RAB40A: variants seen among roughly 807,000 people sequenced by gnomAD.
RAB40A encodes the protein RAB40A, member RAS oncogene family, also known as ras-related protein Rab-40A.
For synonymous variants in RAB40A, 65 were observed against 99.9 expected (o/e 0.65, Z 2.08); for missense variants, 145 against 230.2 (o/e 0.63, Z 2.40).
chrX:103,499,940 T>G lies in RAB40A; in HGVS notation c.817A>C (p.Ser273Arg). The G allele has an allele frequency of 5.0e-6, 6 of 1,211,495 alleles. No individual in the cohort carries two copies. The highest frequency in any genetic ancestry group is 6.7e-6 in the Non-Finnish European group (6 of 895,115). Residue 273 changes from serine to arginine, a missense_variant, in exon 3 of 3, where the codon AGC becomes CGC. Coordinates refer to ENST00000304236, the MANE Select transcript of RAB40A (RefSeq NM_080879.3). ...TGCCTTCCTTAAGAAATTTTGCAGC[T>G]GTTTCTGGTGCAGTTTTTGGGTGGG... ...QSPPKNCTRN[S>R]CKIS
intron 2 of RAB40A, among the ~76,000 whole-genome samples, chrX:103,506,092 C>A (rs762019194): frequency 8.9e-6 from 1 of 111,861 alleles, no homozygotes; most frequent in South Asian, 3.7e-4. Context: ...ATTCTACATT[C>A]TCTTAATTAC....
chrX:103,502,024 A>G (rs377688225), intron 2 of RAB40A: 5 of 123,394 alleles, frequency 4.1e-5, no homozygotes, highest in East Asian at 2.8e-4. Flanking sequence ...AGTTTAAATT[A>G]TTGAAATCAA....
downstream of RAB40A, among the ~76,000 whole-genome samples, chrX:103,495,830 G>A (rs971210457): frequency 8.9e-6 from 1 of 111,951 alleles, no homozygotes; most frequent in Non-Finnish European, 1.9e-5. Context: ...TATGTACCTA[G>A]GGGTGGAATT....
downstream of RAB40A, among the ~76,000 whole-genome samples, chrX:103,498,238 C>T (rs533904089): frequency 1.8e-5 from 2 of 111,848 alleles, no homozygotes; most frequent in African/African-American, 6.5e-5. Flanking sequence ...TCAGCATGGC[C>T]CCTGTCCCTC....
At chrX:103,504,770 C>G (rs1266307530) in intron 2 of RAB40A, among the ~76,000 whole-genome samples, 1 of 112,265 alleles carries the variant, frequency 8.9e-6, no homozygotes, top group African/African-American at 3.2e-5. Context: ...GATCCACCCG[C>G]CTCAGCCTCC....
Position 103,503,162 on chromosome X carries a change from G to A in RAB40A, c.-70-2336C>T, listed in dbSNP as rs752129299. ...CCAAATTCACTTCCCAAGCTAGAAA[G>A]AAAAAAATTGATTGATAGATGTAAA... On this transcript the variant is annotated intron_variant, in intron 2 of 2. Coordinates refer to ENST00000304236, the MANE Select transcript of RAB40A (RefSeq NM_080879.3). The A allele has an allele frequency of 2.0e-5, 15 of 751,722 alleles. No homozygotes were observed. In the South Asian group the frequency reaches 7.5e-4, roughly 38 times the overall value. 62.0% of individuals were successfully genotyped at this position (751,722 alleles called of 1,213,427 possible). A position where few individuals can be genotyped will look rare whatever the true frequency, so the allele number is the denominator to read the frequency against.
chrX:103,512,792 TG>T (rs1397519708), intron 2 of RAB40A, among the ~76,000 whole-genome samples: 1 of 111,975 alleles, frequency 8.9e-6, no homozygotes, highest in African/African-American at 3.2e-5. Context: ...ATATAACTTC[TG>T]AAAAAAAATT....
At chrX:103,510,119 A>G (rs889001731) in intron 2 of RAB40A, among the ~76,000 whole-genome samples, 4 of 112,145 alleles carry the variant, frequency 3.6e-5, no homozygotes, top group African/African-American at 1.3e-4. Flanking sequence ...ATTCCTTTTA[A>G]TGAACTCCTA....
At chrX:103,502,259 C>A (rs2073232482) in intron 2 of RAB40A, 1 of 121,527 alleles carries the variant, frequency 8.2e-6, no homozygotes, top group Non-Finnish European at 1.9e-5. Context: ...AAAAAAAAAA[C>A]CTTTAGATTA....
chrX:103,500,801 T>C lies in RAB40A; in HGVS notation c.-45A>G. On this transcript the variant is annotated 5_prime_UTR_variant, in exon 3 of 3. Transcript: ENST00000304236. The stretch of plus-strand genomic sequence containing the variant: ...CGCCTGAGCCAGGCCCGCGGGGTTG[T>C]GCGCAGAGGTGGTGCCGGGCCTGTT... 8.5e-7 allele frequency: 1 copy of C among 1,177,676 alleles called. No homozygotes were observed.
chrX:103,505,927 C>T (rs764137093), intron 2 of RAB40A, among the ~76,000 whole-genome samples: 4 of 111,637 alleles, frequency 3.6e-5, no homozygotes, highest in East Asian at 2.8e-4. Flanking sequence ...AATTCTTGTA[C>T]GTATCTAATT....
chrX:103,517,662 A>G (rs1410797861), intron 1 of RAB40A, 137 bp from the exon 2 acceptor site: 3 of 112,312 alleles, frequency 2.7e-5, no homozygotes, highest in Non-Finnish European at 5.6e-5. Flanking sequence ...CAATTATTTT[A>G]TCTTGGAACC....
At chrX:103,494,493 G>A (rs1330800093), downstream of RAB40A, among the ~76,000 whole-genome samples, 2 of 112,015 alleles carry the variant, frequency 1.8e-5, no homozygotes, top group African/African-American at 3.2e-5. Context: ...TATTACTCTA[G>A]AAATCTTTGC....
chrX:103,495,143 C>T (rs918473860), downstream of RAB40A, among the ~76,000 whole-genome samples: 1 of 111,328 alleles, frequency 9.0e-6, no homozygotes, highest in African/African-American at 3.3e-5. Flanking sequence ...TTGGTTAATT[C>T]CTGTGTATTT....
chrX:103,502,668 C>T, intron 2 of RAB40A: 1 of 755,297 alleles, frequency 1.3e-6, no homozygotes, highest in Non-Finnish European at 1.6e-6. Flanking sequence ...TGACATTTCT[C>T]AAGCCCTGGA....
At chrX:103,514,846 A>G (rs2073308572) in intron 2 of RAB40A, among the ~76,000 whole-genome samples, 1 of 112,227 alleles carries the variant, frequency 8.9e-6, no homozygotes, top group South Asian at 3.7e-4. Flanking sequence ...TCCAGAAATA[A>G]ATATATAATT....
At chrX:103,515,115 T>G (rs1404410865) in intron 2 of RAB40A, among the ~76,000 whole-genome samples, 2 of 112,231 alleles carry the variant, frequency 1.8e-5, no homozygotes, top group African/African-American at 3.2e-5. Flanking sequence ...TGTGTCCAGC[T>G]CAGGGAAAGT....
chrX:103,500,910 G>A, intron 2 of RAB40A, 84 bp from the exon 3 acceptor site: 2 of 1,012,473 alleles, frequency 2.0e-6, no homozygotes, highest in South Asian at 2.6e-5. Context: ...GGCTTTGATG[G>A]ATTTCTTTTA....
chrX:103,508,234 G>T (rs911382541), intron 2 of RAB40A, among the ~76,000 whole-genome samples: 2 of 111,697 alleles, frequency 1.8e-5, no homozygotes, highest in Non-Finnish European at 1.9e-5. Context: ...GACCTGTGGG[G>T]CCACAATAGC....
Sources: allele counts gnomAD v4.1 joint callset (sites outside exome capture counted in the v4.1 genomes callset), GRCh38; gene constraint gnomAD v4.1.1; transcripts MANE v1.5; gene names NCBI Gene and HGNC (gene_info 2026-07-23, HGNC 2026-07-21).